Variants in PCNX2 observed in about 807,000 individuals in gnomAD.
PCNX2 encodes the protein pecanex-like protein 2.
PCNX2 carries 168 observed loss-of-function variants against 223.8 expected under a neutral mutation model. The observed-to-expected ratio is 0.75, with a 90% confidence interval of 0.66 to 0.85. The LOEUF is 0.85. Among genes scored for constraint, PCNX2 ranks in the 40% least tolerant of loss-of-function variants. The probability of loss-of-function intolerance (pLI) is 0.00; values close to 1 mark genes in which losing one functional copy is unlikely to be tolerated. For missense variants in PCNX2, 2,507 were observed against 2,675.5 expected (o/e 0.94, Z 1.39); for synonymous variants, 1,006 against 1,052.6 (o/e 0.96, Z 0.86).
At chr1:233,220,636 T>A (rs1309332764) in intron 10 of PCNX2, among the ~76,000 whole-genome samples, 1 of 152,240 alleles carries the variant, frequency 6.6e-6, no homozygotes. Flanking sequence ...TGTTCCTTTT[T>A]CTTACTGTTG....
At chr1:233,241,176 T>C (rs1354651023) in intron 8 of PCNX2, 1 of 985,184 alleles carries the variant, frequency 1.0e-6, no homozygotes, top group East Asian at 1.1e-4. Flanking sequence ...AATTCTCCTT[T>C]TATGTGACAG....
chr1:233,077,366 T>C (rs756160880), intron 23 of PCNX2, among the ~76,000 whole-genome samples: 1 of 152,134 alleles, frequency 6.6e-6, no homozygotes, highest in Non-Finnish European at 1.5e-5. Flanking sequence ...AGTTCACTCA[T>C]CTCTCCTCAA....
Position 233,258,686 on chromosome 1 carries a change from G to A in PCNX2, c.1176C>T (p.Ser392=), listed in dbSNP as rs1285946205. Residue 392 remains serine (S), a synonymous_variant, in exon 5 of 34, where the codon AGC becomes AGT. Coordinates refer to ENST00000258229, the MANE Select transcript of PCNX2 (RefSeq NM_014801.4). The part of the protein sequence containing the change: ...STPNSMTDLE[S]SLHLRVVGTE... ...TGCCAACCACCCTCAGGTGGAGGGA[G>A]CTTTCCAAATCTGTCATGGAGTTTG... is the stretch of plus-strand genomic sequence containing the variant. The A allele has an allele frequency of 3.1e-6, 5 of 1,613,976 alleles. No individual in the cohort carries two copies. Among genetic ancestry groups the A allele is most frequent in the Non-Finnish European group, 4.2e-6 (5 of 1,179,886 alleles).
At chr1:233,095,982 C>T (rs1674140603) in intron 21 of PCNX2, 119 bp from the exon 22 acceptor site, 1 of 667,792 alleles carries the variant, frequency 1.5e-6, no homozygotes, top group East Asian at 2.7e-5. Context: ...TACTCTCTGC[C>T]CTCTTACTGT....
Position 232,991,762 on chromosome 1 carries a change from AG to A in PCNX2, c.5792-5223del, listed in dbSNP as rs1669706821. Among the ~76,000 whole-genome samples the A allele has an allele frequency of 6.6e-6, 1 of 152,114 alleles. No homozygotes were observed. The highest frequency in any genetic ancestry group is 2.4e-5 in the African/African-American group (1 of 41,424). The stretch of plus-strand genomic sequence containing the variant: ...CCGGTGAACCACCACAAGCTAGGGA[AG>A]GGTCCTGGACCCCACTCCCCTCCAG... On this transcript the variant is annotated intron_variant, in intron 32 of 33. Coordinates refer to ENST00000258229, the MANE Select transcript of PCNX2 (RefSeq NM_014801.4). This position sits in a 1 kb window ranked among gnomAD's most constrained non-coding sequence, Gnocchi z 4.3.
chr1:233,197,094 G>A (rs1680780222), intron 15 of PCNX2, among the ~76,000 whole-genome samples: 2 of 152,132 alleles, frequency 1.3e-5, no homozygotes, highest in Admixed American at 1.3e-4. Flanking sequence ...CTGATGAATG[G>A]TGGCCAGAGG....
At chr1:233,072,527 C>T (rs1046997122) in intron 23 of PCNX2, among the ~76,000 whole-genome samples, 13 of 152,134 alleles carry the variant, frequency 8.5e-5, no homozygotes, top group Non-Finnish European at 7.4e-5. Flanking sequence ...TTACTGTAGT[C>T]TATCACTGAT....
At chr1:233,062,370 T>C (rs1371001256) in intron 23 of PCNX2, among the ~76,000 whole-genome samples, 1 of 152,226 alleles carries the variant, frequency 6.6e-6, no homozygotes, top group African/African-American at 2.4e-5. Context: ...GATCACTTGA[T>C]GGGTCATGAA....
At chr1:233,142,116 GAGT>G (rs1250927530) in intron 19 of PCNX2, among the ~76,000 whole-genome samples, 1 of 152,120 alleles carries the variant, frequency 6.6e-6, no homozygotes. Flanking sequence ...ATTTTTTCTG[GAGT>G]AGATTTGGAA....
At chr1:233,134,992 G>A (rs1355022469) in intron 21 of PCNX2, 21 bp downstream of exon 21, 2 of 1,564,838 alleles carry the variant, frequency 1.3e-6, no homozygotes, top group South Asian at 2.2e-5. Flanking sequence ...TTAAAATGAA[G>A]AAAATAGCTA....
chr1:233,232,116 T>C (rs1223787665), intron 9 of PCNX2, among the ~76,000 whole-genome samples: 1 of 152,240 alleles, frequency 6.6e-6, no homozygotes, highest in Non-Finnish European at 1.5e-5. Context: ...AGTAGAATTA[T>C]CCTATTATAA....
Position 233,295,240 on chromosome 1 carries a change from C to G in PCNX2, c.153+86G>C, listed in dbSNP as rs1405538996. 4 of 1,532,372 alleles carry G rather than the reference C, an allele frequency of 2.6e-6. No homozygotes were observed. The highest frequency in any genetic ancestry group is 3.5e-6 in the Non-Finnish European group (4 of 1,131,502). 94.9% of individuals were successfully genotyped at this position (1,532,372 alleles called of 1,614,324 possible). ...AAGAATCTCTACGAACCCGAAAGCC[C>G]GTGAGGCTGATGGCACGTCTGTGGT... On this transcript the variant is annotated intron_variant, in intron 1 of 33. Coordinates refer to ENST00000258229, the MANE Select transcript of PCNX2 (RefSeq NM_014801.4). The surrounding 1 kb of genome is among the most constrained non-coding windows in gnomAD (Gnocchi z 4.1).
Position 233,016,988 on chromosome 1 carries a change from A to T in PCNX2, c.4772T>A (p.Ile1591Asn). 6.2e-7 allele frequency: 1 copy of T among 1,613,792 alleles called. No individual in the cohort carries two copies. Among genetic ancestry groups the T allele is most frequent in the Non-Finnish European group, 8.5e-7 (1 of 1,179,740 alleles). ...DDDYVPCLQG[I>N]TRASFCNVYL... ...AACATTGCAGAAGCTAGCTCGTGTGATCCCCTGGAGACACGGGACGTAGTC... is the reference window on the plus strand; with the variant it reads ...AACATTGCAGAAGCTAGCTCGTGTGTTCCCCTGGAGACACGGGACGTAGTC... Residue 1591 changes from isoleucine to asparagine, a missense_variant, in exon 27 of 34, where the codon ATC becomes AAC. By Grantham distance (149) the Ile-to-Asn change is moderately radical. Coordinates refer to ENST00000258229, the MANE Select transcript of PCNX2 (RefSeq NM_014801.4).
intron 1 of PCNX2, among the ~76,000 whole-genome samples, chr1:233,290,101 T>G (rs758876300): frequency 1.5e-4 from 21 of 141,670 alleles, no homozygotes; most frequent in Middle Eastern, 3.5e-3. Flanking sequence ...CTCTCAAACC[T>G]GAATATCCAA....
At chr1:233,031,717 C>G in intron 25 of PCNX2, 1 of 982,448 alleles carries the variant, frequency 1.0e-6, no homozygotes, top group Non-Finnish European at 1.2e-6. Context: ...AAAGCCTGAT[C>G]CCAAATCTTC....
At chr1:233,176,200 T>G (rs1320906180) in intron 17 of PCNX2, among the ~76,000 whole-genome samples, 1 of 152,258 alleles carries the variant, frequency 6.6e-6, no homozygotes, top group Non-Finnish European at 1.5e-5. Context: ...ATGAGCATTG[T>G]GTTTCAAAGT....
chr1:233,177,584 T>C (rs1160478180), intron 17 of PCNX2, among the ~76,000 whole-genome samples: 4 of 152,232 alleles, frequency 2.6e-5, no homozygotes, highest in African/African-American at 9.6e-5. Flanking sequence ...TTAAATTTAC[T>C]TTCAAGTGAT....
the PCNX2 span, among the ~76,000 whole-genome samples, chr1:233,322,459 T>C: frequency 6.6e-6 from 1 of 152,074 alleles, no homozygotes; most frequent in African/African-American, 2.4e-5. Flanking sequence ...TCTGGGACAG[T>C]TTCCTGCTCA....
chr1:233,304,599 G>T, the PCNX2 span, among the ~76,000 whole-genome samples: 1 of 152,244 alleles, frequency 6.6e-6, no homozygotes, highest in South Asian at 2.1e-4. Flanking sequence ...ATTATGAGAT[G>T]AATAAAGGGA....
Sources: gnomAD v4.1 joint callset for allele counts (sites outside exome capture counted in the v4.1 genomes callset) on GRCh38, gnomAD v4.1.1 for gene constraint, Gnocchi (gnomAD v3.1) non-coding constraint, MANE v1.5 for transcripts, NCBI Gene and HGNC (gene_info 2026-07-23, HGNC 2026-07-21) for gene names.